Variants in MYT1L observed in about 807,000 individuals in gnomAD.
MYT1L encodes myelin transcription factor 1 like.
In MYT1L, 12 loss-of-function variants were observed where a neutral mutation model predicts 126.7. That is an observed-to-expected ratio of 0.09 (90% confidence interval 0.06 to 0.15). The LOEUF (loss-of-function observed/expected upper bound fraction) is 0.15, where lower values mean the gene tolerates loss of function less well. Among genes scored for constraint, MYT1L ranks in the 10% least tolerant of loss-of-function variants. MYT1L has a pLI of 1.00. For missense variants in MYT1L, 979 were observed against 1,585.2 expected (o/e 0.62, Z 6.49); for synonymous variants, 541 against 604.2 (o/e 0.90, Z 1.53).
At chr2:2,028,630 A>G (rs113044337) in intron 4 of MYT1L, among the ~76,000 whole-genome samples, 1,831 of 152,328 alleles carry the variant, frequency 0.012, 39 homozygotes, top group African/African-American at 0.041. Context: ...GTTCTGAAAT[A>G]TGCTCTTGTC....
intron 2 of MYT1L, among the ~76,000 whole-genome samples, chr2:2,279,561 GAAT>G (rs1559535632): frequency 1.0e-5 from 1 of 96,120 alleles, no homozygotes; most frequent in African/African-American, 4.5e-5. Context: ...GAGAAGGAAT[GAAT>G]GAATGAAGGA....
intron 8 of MYT1L, among the ~76,000 whole-genome samples, chr2:1,951,830 T>C (rs974919861): frequency 2.0e-5 from 3 of 152,194 alleles, no homozygotes; most frequent in African/African-American, 4.8e-5. Flanking sequence ...ACAGTTGATA[T>C]CCTTTCTCAC....
At chr2:1,865,389 G>A (rs1263183068) in intron 18 of MYT1L, among the ~76,000 whole-genome samples, 14 of 152,172 alleles carry the variant, frequency 9.2e-5, no homozygotes, top group Non-Finnish European at 4.4e-5. Flanking sequence ...CGGAGTCAGA[G>A]AGCCAGACCG....
chr2:1,842,481 G>T (rs2041867867), intron 19 of MYT1L: 1 of 152,276 alleles, frequency 6.6e-6, no homozygotes. Context: ...GAGGAAAGAG[G>T]CGGCGAGGCG....
chr2:1,866,917 AGAGTGAGAG>A (rs1400564861), intron 18 of MYT1L, among the ~76,000 whole-genome samples: 45 of 134,940 alleles, frequency 3.3e-4, no homozygotes, highest in African/African-American at 1.3e-3. Context: ...AGGCAGGCAG[AGAGTGAGAG>A]GGTGGGGAAA....
intron 2 of MYT1L, among the ~76,000 whole-genome samples, chr2:2,204,719 C>A (rs2093241737): frequency 1.3e-5 from 2 of 151,610 alleles, no homozygotes; most frequent in African/African-American, 4.9e-5. Flanking sequence ...CCTCAGGGAT[C>A]TAGAACTAGA....
chr2:2,323,571 T>C (rs1176011529), intron 1 of MYT1L, among the ~76,000 whole-genome samples: 1 of 152,238 alleles, frequency 6.6e-6, no homozygotes, highest in Admixed American at 6.5e-5. Context: ...AACACCCATA[T>C]TGCAGTAGTA....
chr2:2,033,165 A>C (rs1413020696), intron 4 of MYT1L, among the ~76,000 whole-genome samples: 1 of 142,094 alleles, frequency 7.0e-6, no homozygotes, highest in Non-Finnish European at 1.5e-5. Flanking sequence ...GGCCCAGAGC[A>C]GATTCTAGAA....
chr2:1,932,805 A>C (rs1333225449), intron 9 of MYT1L, among the ~76,000 whole-genome samples: 1 of 152,186 alleles, frequency 6.6e-6, no homozygotes, highest in African/African-American at 2.4e-5. Flanking sequence ...CTCCAGGAGC[A>C]GTGGAGCCAC....
intron 5 of MYT1L, 91 bp downstream of exon 5, chr2:1,997,100 A>T (rs1259414827): frequency 6.9e-6 from 1 of 145,932 alleles, no homozygotes; most frequent in Non-Finnish European, 1.5e-5. Flanking sequence ...GCTGTACAGA[A>T]CCGAGTGTAG....
intron 4 of MYT1L, among the ~76,000 whole-genome samples, chr2:2,004,204 T>C (rs1173022637): frequency 6.6e-6 from 1 of 150,682 alleles, no homozygotes; most frequent in African/African-American, 2.5e-5. Flanking sequence ...CGTTCTTTCC[T>C]GAATGTGTTC....
At chr2:1,960,923 T>C (rs1429661425) in intron 8 of MYT1L, among the ~76,000 whole-genome samples, 1 of 152,240 alleles carries the variant, frequency 6.6e-6, no homozygotes, top group African/African-American at 2.4e-5. Context: ...TTCCAGTGCA[T>C]GTGTGCATCT....
At chr2:2,037,617 A>G (rs1489683989) in intron 4 of MYT1L, among the ~76,000 whole-genome samples, 2 of 151,830 alleles carry the variant, frequency 1.3e-5, no homozygotes, top group African/African-American at 4.8e-5. Flanking sequence ...CTAGCTGGTC[A>G]TGGTGGTGCA....
At chr2:2,315,631 G>A (rs905874643) in intron 1 of MYT1L, among the ~76,000 whole-genome samples, 2 of 152,016 alleles carry the variant, frequency 1.3e-5, no homozygotes, top group Non-Finnish European at 2.9e-5. Context: ...GTTTTTATTA[G>A]TTTCTCAATA....
At chr2:2,317,382 C>A (rs1008027669) in intron 1 of MYT1L, among the ~76,000 whole-genome samples, 1 of 152,012 alleles carries the variant, frequency 6.6e-6, no homozygotes. Context: ...TGTGAAGATG[C>A]CAAACACGCA....
chr2:1,925,327 A>G (rs2054082422), intron 9 of MYT1L, among the ~76,000 whole-genome samples: 1 of 152,226 alleles, frequency 6.6e-6, no homozygotes, highest in African/African-American at 2.4e-5. Flanking sequence ...TACAGCCACA[A>G]AAAGCCTGCA....
intron 21 of MYT1L, among the ~76,000 whole-genome samples, chr2:1,814,984 C>A (rs2037394488): frequency 1.3e-5 from 2 of 152,178 alleles, no homozygotes; most frequent in African/African-American, 4.8e-5. Context: ...ATTCTAGTGA[C>A]CTTTCTAAGC....
At chr2:2,074,435 A>C (rs1469822964) in intron 3 of MYT1L, among the ~76,000 whole-genome samples, 1 of 152,228 alleles carries the variant, frequency 6.6e-6, no homozygotes, top group Non-Finnish European at 1.5e-5. Flanking sequence ...TTACCAAAGA[A>C]GTGCATTACA....
intron 3 of MYT1L, among the ~76,000 whole-genome samples, chr2:2,080,168 C>T (rs562481489): frequency 1.4e-4 from 21 of 152,120 alleles, no homozygotes; most frequent in South Asian, 4.2e-4. Flanking sequence ...CAAACATGGA[C>T]GCAAAATGTA....
Sources: allele counts gnomAD v4.1 joint callset (sites outside exome capture counted in the v4.1 genomes callset), GRCh38; gene constraint gnomAD v4.1.1; transcripts MANE v1.5; gene names NCBI Gene and HGNC (gene_info 2026-07-23, HGNC 2026-07-21).